Variants in TIAM1 observed in about 807,000 individuals in gnomAD.
TIAM1 encodes the protein TIAM Rac1 associated GEF 1.
TIAM1 carries 65 observed loss-of-function variants against 163.5 expected under a neutral mutation model. That is an observed-to-expected ratio of 0.40 (90% confidence interval 0.33 to 0.49). The LOEUF is 0.49. TIAM1 is among the 20% of genes least tolerant of loss of function. TIAM1 has a pLI of 0.77. For synonymous variants in TIAM1, 833 were observed against 810.1 expected (o/e 1.03, Z -0.48); for missense variants, 1,789 against 2,044.7 (o/e 0.87, Z 2.41).
chr21:31,255,973 T>C (rs2072079086), intron 4 of TIAM1, among the ~76,000 whole-genome samples: 1 of 152,182 alleles, frequency 6.6e-6, no homozygotes. Context: ...AAAAAATGAA[T>C]GTATGCACAA....
chr21:31,326,965 G>C (rs2075509145), intron 2 of TIAM1, among the ~76,000 whole-genome samples: 1 of 152,218 alleles, frequency 6.6e-6, no homozygotes, highest in South Asian at 2.1e-4. Context: ...AAAACGTTCA[G>C]GTTTGCATTT....
Position 31,225,883 on chromosome 21 carries a change from G to A in TIAM1, c.1652C>T (p.Ala551Val), listed in dbSNP as rs970048985. 4.3e-6 allele frequency: 7 copies of A among 1,613,960 alleles called. No homozygotes were observed. The highest frequency in any genetic ancestry group is 1.3e-5 in the African/African-American group (1 of 74,874). ...CGTGTCTTCCTTGTGGTGGTGCCTC[G>A]CGACCGCAGTGGCGCAGGCAGAGTG... is the stretch of plus-strand genomic sequence containing the variant. ...AIHSACATAV[A>V]RHHHKEDTLR... Residue 551 changes from alanine to valine, a missense_variant, in exon 7 of 28, where the codon GCG (alanine) becomes GTG (valine). This residue lies in a region of TIAM1 where 456 missense variants were observed against 586.6 expected (regional missense o/e 0.78). Transcript: ENST00000541036.
chr21:31,309,948 A>G (rs1601912977), intron 2 of TIAM1, among the ~76,000 whole-genome samples: 1 of 152,228 alleles, frequency 6.6e-6, no homozygotes, highest in South Asian at 2.1e-4. Context: ...TAACGCAAAA[A>G]TAAGTCCAGA....
chr21:31,163,078 G>C (rs1197309436), intron 16 of TIAM1, among the ~76,000 whole-genome samples: 1 of 152,084 alleles, frequency 6.6e-6, no homozygotes. Flanking sequence ...AATCCACAAG[G>C]AGATGAGAAC....
chr21:31,212,130 A>G (rs1279884702), intron 10 of TIAM1, among the ~76,000 whole-genome samples: 1 of 152,190 alleles, frequency 6.6e-6, no homozygotes, highest in Non-Finnish European at 1.5e-5. Flanking sequence ...AGTATTTCCA[A>G]GGACAGTGGC....
chr21:31,412,049 G>A (rs2077368070), intron 2 of TIAM1, among the ~76,000 whole-genome samples: 1 of 152,196 alleles, frequency 6.6e-6, no homozygotes, highest in Admixed American at 6.5e-5. Context: ...TCTATCAACA[G>A]ATGACTGGAT....
intron 1 of TIAM1, among the ~76,000 whole-genome samples, chr21:31,553,394 T>TA (rs1304312923): frequency 1.3e-5 from 2 of 152,170 alleles, no homozygotes; most frequent in Admixed American, 1.3e-4. Context: ...GGAAAGAACT[T>TA]ACACTTTACT....
intron 2 of TIAM1, among the ~76,000 whole-genome samples, chr21:31,316,659 C>A (rs77652771): frequency 0.018 from 2,789 of 152,314 alleles, 88 homozygotes; most frequent in East Asian, 0.13. Flanking sequence ...CCTTCCACAT[C>A]AAGGATTCGC....
chr21:31,169,539 T>A (rs1485204638), intron 15 of TIAM1, among the ~76,000 whole-genome samples: 1 of 152,156 alleles, frequency 6.6e-6, no homozygotes, highest in African/African-American at 2.4e-5. Flanking sequence ...CATTTTCAGC[T>A]AAAATATCAT....
intron 1 of TIAM1, among the ~76,000 whole-genome samples, chr21:31,555,862 A>T (rs77629283): frequency 6.6e-6 from 1 of 152,100 alleles, no homozygotes; most frequent in Non-Finnish European, 1.5e-5. Context: ...ATTCCTGCTC[A>T]GGGCTCCAGG....
intron 2 of TIAM1, among the ~76,000 whole-genome samples, chr21:31,290,739 C>A (rs952659410): frequency 2.6e-5 from 4 of 151,134 alleles, no homozygotes; most frequent in Admixed American, 2.6e-4. Context: ...CTGATGGCGA[C>A]TGCTTTTGCA....
At chr21:31,531,809 G>A (rs2047980646) in intron 1 of TIAM1, among the ~76,000 whole-genome samples, 1 of 150,488 alleles carries the variant, frequency 6.6e-6, no homozygotes, top group African/African-American at 2.4e-5. Flanking sequence ...TCAACAGCAA[G>A]AGAAACAAAT....
chr21:31,395,371 G>A lies in TIAM1; in HGVS notation c.-368-55949C>T, dbSNP rs2077047689. On this transcript the variant is annotated intron_variant, in intron 2 of 28. Coordinates refer to the TIAM1 transcript ENST00000286827. This position sits in a 1 kb window ranked among gnomAD's most constrained non-coding sequence, Gnocchi z 7.5. The stretch of plus-strand genomic sequence containing the variant: ...ACACACAGATCACTGCTTGCCTCCA[G>A]AGAGAAGCAGTCCACTGGGGACACG... 6.6e-6 allele frequency among the ~76,000 whole-genome samples: 1 copy of A among 152,170 alleles called. No homozygotes were observed.
At chr21:31,293,158 C>T (rs958695498) in intron 2 of TIAM1, among the ~76,000 whole-genome samples, 5 of 148,384 alleles carry the variant, frequency 3.4e-5, no homozygotes, top group African/African-American at 5.3e-5. Context: ...CATGCATTTG[C>T]GGGGGCTGCC....
chr21:31,461,681 TGA>T (rs982647894), intron 2 of TIAM1, among the ~76,000 whole-genome samples: 2 of 152,036 alleles, frequency 1.3e-5, no homozygotes, highest in Non-Finnish European at 2.9e-5. Context: ...TGTGTGTGTG[TGA>T]GAGACCTGAT....
intron 2 of TIAM1, among the ~76,000 whole-genome samples, chr21:31,380,194 T>C (rs1482029953): frequency 6.6e-6 from 1 of 151,720 alleles, no homozygotes; most frequent in Non-Finnish European, 1.5e-5. Flanking sequence ...ACCTGAGAGG[T>C]GGAGGTTGCA....
Position 31,422,183 on chromosome 21 carries a change from T to C in TIAM1, c.-369+41800A>G, listed in dbSNP as rs950073003. On this transcript the variant is annotated intron_variant, in intron 2 of 28. Transcript: ENST00000286827. ...TGTGATGGCAGCCCTAGAAAACTAA[T>C]ACAACCTACATACAAAAGTCTCAAA... Among the ~76,000 whole-genome samples the C allele has an allele frequency of 5.9e-5, 9 of 152,008 alleles. 1 individual carries two copies. Among genetic ancestry groups the C allele is most frequent in the Admixed American group, 5.9e-4 (9 of 15,254 alleles).
intron 1 of TIAM1, among the ~76,000 whole-genome samples, chr21:31,556,076 A>T (rs981617087): frequency 2.6e-5 from 4 of 152,162 alleles, no homozygotes; most frequent in Non-Finnish European, 4.4e-5. Context: ...GAGATTTCCT[A>T]ACCACGTGCT....
intron 14 of TIAM1, among the ~76,000 whole-genome samples, chr21:31,185,000 C>T (rs990276066): frequency 6.7e-6 from 1 of 150,276 alleles, no homozygotes; most frequent in African/African-American, 2.4e-5. Flanking sequence ...CTCAGCTGAA[C>T]CAGGACAAAA....
Sources: allele counts gnomAD v4.1 joint callset (sites outside exome capture counted in the v4.1 genomes callset), GRCh38; gene constraint gnomAD v4.1.1; regional missense constraint gnomAD v4.1.1; non-coding constraint Gnocchi (gnomAD v3.1); transcripts MANE v1.5; gene names NCBI Gene and HGNC (gene_info 2026-07-23, HGNC 2026-07-21).